Variants in POM121 observed in about 807,000 individuals in gnomAD.
POM121 encodes nuclear envelope pore membrane protein POM 121.
POM121 carries 32 observed loss-of-function variants against 81.3 expected under a neutral mutation model. The observed-to-expected ratio is 0.39, with a 90% CI of 0.30 to 0.53. The LOEUF is 0.53. POM121 is among the 20% of genes least tolerant of loss of function. The pLI is 0.66. For synonymous variants in POM121, 514 were observed against 694.2 expected, an observed-to-expected ratio of 0.74 and a Z score of 4.08; for missense variants, 1,138 against 1,614.6, an observed-to-expected ratio of 0.70 and a Z score of 5.06.
At chr7:72,897,012 G>A (rs1252882443) in intron 3 of POM121, among the ~76,000 whole-genome samples, 2 of 152,218 alleles carry the variant, frequency 1.3e-5, no homozygotes, top group African/African-American at 2.4e-5. Context: ...AGACCAGCCT[G>A]GGTAACATGG....
chr7:72,923,816 G>T (rs1795075991), upstream of POM121, among the ~76,000 whole-genome samples: 1 of 151,666 alleles, frequency 6.6e-6, no homozygotes, highest in Admixed American at 6.6e-5. Flanking sequence ...GGTCAGGCTG[G>T]TCTCAAACTC....
upstream of POM121, among the ~76,000 whole-genome samples, chr7:72,921,130 G>C (rs1794782276): frequency 6.6e-6 from 1 of 152,152 alleles, no homozygotes. Flanking sequence ...GTTGCAGTGA[G>C]CCGAGATCGC....
In POM121 at chr7:72,893,977, G is replaced by A. The variant is rs557246198; in HGVS notation, c.-216+2867G>A. ...CCTGCCCCCGTTTTCTCTTTTTTAA[G>A]AGACAAGGTCTCGGCCGGGCATGAT... On this transcript the variant is annotated intron_variant, in intron 3 of 15. Transcript: ENST00000395270. 2.6e-5 allele frequency among the ~76,000 whole-genome samples: 4 copies of A among 152,064 alleles called. 1 individual carries two copies. The East Asian group carries it at 7.8e-4, about 30-fold the overall frequency.
At chr7:72,908,722 G>C (rs1793519882) in intron 3 of POM121, among the ~76,000 whole-genome samples, 1 of 152,112 alleles carries the variant, frequency 6.6e-6, no homozygotes, top group Non-Finnish European at 1.5e-5. Flanking sequence ...GCTGTTCCTT[G>C]CTGAGAAAAA....
chr7:72,933,574 A>G (rs548802956), intron 5 of POM121, among the ~76,000 whole-genome samples: 2 of 152,340 alleles, frequency 1.3e-5, no homozygotes, highest in Non-Finnish European at 2.9e-5. Context: ...TAGAAACCAT[A>G]GAAGTGCAGT....
intron 3 of POM121, among the ~76,000 whole-genome samples, chr7:72,895,124 G>A (rs782020166): frequency 5.9e-5 from 9 of 152,148 alleles, no homozygotes; most frequent in Non-Finnish European, 8.8e-5. Flanking sequence ...CACAGCACCC[G>A]GCCTGTCTGT....
intron 3 of POM121, among the ~76,000 whole-genome samples, chr7:72,911,116 TG>T (rs1793760866): frequency 1.3e-5 from 2 of 152,208 alleles, no homozygotes; most frequent in Non-Finnish European, 2.9e-5. Context: ...CCCTAGTAGC[TG>T]GGATTACTGG....
upstream of POM121, among the ~76,000 whole-genome samples, chr7:72,922,943 C>T (rs1269610238): frequency 3.3e-5 from 5 of 152,054 alleles, no homozygotes; most frequent in African/African-American, 1.2e-4. Context: ...CTGACCTAGA[C>T]ACTATGTTTC....
downstream of POM121, chr7:72,950,183 G>A (rs782729966): frequency 1.2e-5 from 19 of 1,608,448 alleles, 1 homozygote; most frequent in African/African-American, 4.0e-5. Flanking sequence ...TTGAGGGCTC[G>A]TAAGTCATCG....
chr7:72,942,690 C>T lies in POM121; in HGVS notation c.2697C>T (p.Phe899=), dbSNP rs1337316681. 2.2e-6 allele frequency: 3 copies of T among 1,383,550 alleles called. No individual in the cohort carries two copies. Among genetic ancestry groups the T allele is most frequent in the African/African-American group, 3.3e-5 (2 of 60,806 alleles). 85.7% of individuals were successfully genotyped at this position (1,383,550 alleles called of 1,614,324 possible). The change falls in exon 11 of 13, where the codon TTC becomes TTT. Residue 899 remains phenylalanine (F), a synonymous_variant. Transcript: ENST00000434423. The part of the protein sequence containing the change: ...ALPTTTTVTT[F]SQSLHTAVPT... ...CCACAACCACCACAGTCACCACCTTCAGCCAGTCCCTGCACACTGCCGTGC... is the reference window on the plus strand; with the variant it reads ...CCACAACCACCACAGTCACCACCTTTAGCCAGTCCCTGCACACTGCCGTGC...
chr7:72,930,755 AG>A (rs1396535511), intron 5 of POM121, among the ~76,000 whole-genome samples: 2 of 152,074 alleles, frequency 1.3e-5, no homozygotes, highest in African/African-American at 4.8e-5. Context: ...TCACTTTGGG[AG>A]GTCAAGGTGG....
rs1200679763 is a variant in POM121 at position 72,946,084 on chromosome 7, G to A, written c.3653-53G>A. ...CCTTCCAGAGATTTGGGCACCCAGA[G>A]TCAGAGTCTCAGGTAGCAGCTGCCC... On this transcript the variant is annotated intron_variant, in intron 12 of 12. Transcript: ENST00000434423. 4.4e-6 allele frequency: 7 copies of A among 1,598,126 alleles called. No homozygotes were observed. In the East Asian group the frequency reaches 8.9e-5, roughly 20 times the overall value.
intron 3 of POM121, among the ~76,000 whole-genome samples, chr7:72,908,763 T>C (rs1431720519): frequency 6.6e-6 from 1 of 152,190 alleles, no homozygotes; most frequent in East Asian, 1.9e-4. Flanking sequence ...TATTTGCTTT[T>C]GAAAGAAGAG....
At chr7:72,887,099 G>C (rs1790797344) in intron 1 of POM121, among the ~76,000 whole-genome samples, 1 of 152,028 alleles carries the variant, frequency 6.6e-6, no homozygotes, top group African/African-American at 2.4e-5. Flanking sequence ...TTCATTTTAT[G>C]TAACTTCTGT....
At chr7:72,894,691 C>T (rs1351779142) in intron 3 of POM121, among the ~76,000 whole-genome samples, 1 of 133,392 alleles carries the variant, frequency 7.5e-6, no homozygotes, top group Non-Finnish European at 1.5e-5. Flanking sequence ...GATCTCCGTC[C>T]CTGTCGCCCA....
At chr7:72,884,606 G>A (rs1554489801) in intron 1 of POM121, among the ~76,000 whole-genome samples, 2 of 148,926 alleles carry the variant, frequency 1.3e-5, no homozygotes, top group Non-Finnish European at 3.0e-5. Context: ...TTTCTATTTA[G>A]CATTTTATTT....
intron 11 of POM121, among the ~76,000 whole-genome samples, chr7:72,944,683 A>G (rs1455886384): frequency 2.0e-5 from 3 of 152,122 alleles, no homozygotes; most frequent in African/African-American, 7.2e-5. Flanking sequence ...CAGGGGGTGC[A>G]GGAGTGGAGA....
At chr7:72,919,152 C>T (rs1302465518) in intron 4 of POM121, among the ~76,000 whole-genome samples, 5 of 151,222 alleles carry the variant, frequency 3.3e-5, no homozygotes, top group Non-Finnish European at 7.4e-5. Flanking sequence ...GTGATTCACC[C>T]GCCTTAGCCT....
rs1330790267 is a variant in POM121 at position 72,929,856 on chromosome 7, T to C, written c.1104-84T>C. 1.1e-5 allele frequency: 16 copies of C among 1,453,722 alleles called. No homozygotes were observed. In the East Asian group the frequency reaches 2.6e-4, roughly 23 times the overall value. The allele number at this position is 1,453,722 out of a possible 1,614,324, so 90.1% of individuals were successfully genotyped here. A position where few individuals can be genotyped will look rare whatever the true frequency, so the allele number is the denominator to read the frequency against. ...GCATTATTCTCTTCCCTTCATGTTATTAAGAAAGATGTCATGACCGTGGAT... is the reference window on the plus strand; with the variant it reads ...GCATTATTCTCTTCCCTTCATGTTACTAAGAAAGATGTCATGACCGTGGAT... On this transcript the variant is annotated intron_variant, in intron 4 of 12. Coordinates refer to ENST00000434423, the MANE Select transcript of POM121 (RefSeq NM_001387691.1).
Sources: gnomAD v4.1 joint callset for allele counts (sites outside exome capture counted in the v4.1 genomes callset) on GRCh38, gnomAD v4.1.1 for gene constraint, MANE v1.5 for transcripts, NCBI Gene and HGNC (gene_info 2026-07-23, HGNC 2026-07-21) for gene names.